Variants in DOCK5 observed in about 807,000 individuals in gnomAD.
DOCK5 encodes dedicator of cytokinesis 5.
Under a neutral mutation model 251.8 loss-of-function variants are expected in DOCK5, and 142 were observed. That is an observed-to-expected ratio of 0.56 (90% CI 0.49 to 0.65). DOCK5 has a LOEUF of 0.65. Ranked by LOEUF, DOCK5 falls within the 30% of genes least tolerant of loss-of-function variation. The pLI is 0.00. For missense variants in DOCK5, 2,111 were observed against 2,312.3 expected, an observed-to-expected ratio of 0.91 and a Z score of 1.79; for synonymous variants, 842 against 835.5, an observed-to-expected ratio of 1.01 and a Z score of -0.13.
At chr8:25,358,735 C>G (rs1353392271) in intron 27 of DOCK5, among the ~76,000 whole-genome samples, 3 of 152,192 alleles carry the variant, frequency 2.0e-5, no homozygotes, top group Non-Finnish European at 4.4e-5. Context: ...TTCCACACTT[C>G]TTAGCTGTTA....
intron 22 of DOCK5, among the ~76,000 whole-genome samples, chr8:25,337,585 CT>C (rs71549899): frequency 0.052 from 6,749 of 128,576 alleles, 177 homozygotes; most frequent in South Asian, 0.11. Context: ...ATGATAGATT[CT>C]TTTTTTTTTT....
rs1335594750 is a variant in DOCK5 at position 25,190,782 on chromosome 8, T to A, written c.43+5831T>A. Among the ~76,000 whole-genome samples, 4 of 100,260 alleles carry A rather than the reference T, an allele frequency of 4.0e-5. No homozygotes were observed. In the East Asian group the frequency reaches 1.1e-3, roughly 27 times the overall value. The allele number at this position is 100,260 out of a possible 152,430, so 65.8% of individuals were successfully genotyped here. ...GGCCTTAACTTGGTCATGGGTTTTT[T>A]TTTTTTTTTTTTTTTTTTTGAGACG... is the stretch of plus-strand genomic sequence containing the variant. On this transcript the variant is annotated intron_variant, in intron 1 of 51. Transcript: ENST00000276440.
At chr8:25,291,961 G>T in intron 5 of DOCK5, 63 bp from the exon 6 acceptor site, 3 of 1,411,570 alleles carry the variant, frequency 2.1e-6, no homozygotes, top group Non-Finnish European at 1.9e-6. Context: ...AAAAAAGGAT[G>T]TTCCCATCCT....
At position 25,191,623 on chromosome 8, in the gene DOCK5, C is replaced by T. The variant is rs373648296; in HGVS notation, c.43+6672C>T. Among the ~76,000 whole-genome samples, 91 of 152,166 alleles carry T rather than the reference C, an allele frequency of 6.0e-4. 2 individuals carry two copies. The South Asian group carries it at 0.018, about 31-fold the overall frequency. ...TGAGACAAACATTTGAGCTGCTTTA[C>T]CTGTTATTTCATTAAATCATTGTGG... On this transcript the variant is annotated intron_variant, in intron 1 of 51. Transcript: ENST00000276440.
At chr8:25,187,318 T>TGC (rs1491521486) in intron 1 of DOCK5, among the ~76,000 whole-genome samples, 1 of 143,252 alleles carries the variant, frequency 7.0e-6, no homozygotes, top group Non-Finnish European at 1.5e-5. Flanking sequence ...TATGCGTATA[T>TGC]GTGTGTGTGT....
In DOCK5 at chr8:25,293,457, G is replaced by A. The variant is rs760628672; in HGVS notation, c.470+1285G>A. Among the ~76,000 whole-genome samples, 123 of 152,090 alleles carry A rather than the reference G, an allele frequency of 8.1e-4. 3 individuals carry two copies. Among genetic ancestry groups the A allele is most frequent in the Non-Finnish European group, 1.9e-4 (13 of 68,014 alleles). On this transcript the variant is annotated intron_variant, in intron 6 of 51. Transcript: ENST00000276440. ...ACTTGATTATAATCTTAAAACATAGGGTTGAGGTAGCTGTTATTATTTACA... is the reference window on the plus strand; with the variant it reads ...ACTTGATTATAATCTTAAAACATAGAGTTGAGGTAGCTGTTATTATTTACA...
intron 27 of DOCK5, among the ~76,000 whole-genome samples, chr8:25,357,381 T>G (rs924365003): frequency 1.4e-5 from 2 of 142,754 alleles, no homozygotes; most frequent in Non-Finnish European, 3.1e-5. Flanking sequence ...AACTTTTTTT[T>G]TTTTTTTTTT....
At position 25,205,499 on chromosome 8, in the gene DOCK5, G is replaced by C. The variant is rs117868081; in HGVS notation, c.43+20548G>C. Among the ~76,000 whole-genome samples the C allele has an allele frequency of 3.7e-3, 562 of 152,292 alleles. 4 individuals carry two copies. The highest frequency in any genetic ancestry group is 6.4e-3 in the Non-Finnish European group (437 of 68,022). ...AGCTGACTGAGACACAGGGAGTTGC[G>C]TGTTATTTGAAATACGAGTCCACTG... On this transcript the variant is annotated intron_variant, in intron 1 of 51. Transcript: ENST00000276440.
intron 8 of DOCK5, 117 bp downstream of exon 8, chr8:25,299,218 G>C: frequency 8.2e-7 from 1 of 1,215,694 alleles, no homozygotes; most frequent in Non-Finnish European, 1.1e-6. Flanking sequence ...AAGCATGGAA[G>C]ATTTCTAAGC....
intron 1 of DOCK5, among the ~76,000 whole-genome samples, chr8:25,228,759 C>T (rs1416383061): frequency 1.3e-5 from 2 of 152,022 alleles, no homozygotes; most frequent in African/African-American, 4.8e-5. Flanking sequence ...TTTATTCTTC[C>T]AGATATATTT....
intron 4 of DOCK5, 62 bp from the exon 5 acceptor site, chr8:25,278,507 C>G: frequency 3.3e-6 from 5 of 1,511,012 alleles, no homozygotes; most frequent in Non-Finnish European, 4.6e-6. Flanking sequence ...AGTCTGATCC[C>G]CATCAAGTAA....
intron 51 of DOCK5, 99 bp downstream of exon 51, chr8:25,410,301 G>C: frequency 1.0e-6 from 1 of 971,174 alleles, no homozygotes. Context: ...TTTGCTCATA[G>C]ACCTGTCACT....
chr8:25,306,102 G>T (rs1190934166), intron 11 of DOCK5, among the ~76,000 whole-genome samples: 8 of 151,868 alleles, frequency 5.3e-5, no homozygotes, highest in Admixed American at 2.0e-4. Flanking sequence ...TTAAAATATG[G>T]CCATTGCACT....
intron 1 of DOCK5, among the ~76,000 whole-genome samples, chr8:25,205,571 C>T (rs138346492): frequency 5.3e-5 from 8 of 152,292 alleles, no homozygotes; most frequent in East Asian, 1.9e-4. Flanking sequence ...TAGATTTTTC[C>T]CTCCTCTTTT....
chr8:25,411,196 C>G lies in DOCK5; in HGVS notation c.5511C>G (p.Leu1837=). 6.4e-7 allele frequency: 1 copy of G among 1,563,978 alleles called. No homozygotes were observed. The highest frequency in any genetic ancestry group is 2.6e-5 in the East Asian group (1 of 39,074). ...YEGSQRNSTE[L]APPLPVRREA... is the part of the protein sequence containing the mutation. ...ATTTTGTGTTTCTGCTTCTGCAGCTCGCTCCCCCACTGCCTGTCCGAAGAG... is the reference window on the plus strand; with the variant it reads ...ATTTTGTGTTTCTGCTTCTGCAGCTGGCTCCCCCACTGCCTGTCCGAAGAG... Residue 1837 remains leucine, a splice_region_variant and synonymous_variant, in exon 52 of 52, where the codon CTC becomes CTG. Transcript: ENST00000276440.
intron 36 of DOCK5, among the ~76,000 whole-genome samples, chr8:25,373,885 G>A (rs974849547): frequency 1.3e-5 from 2 of 152,192 alleles, no homozygotes; most frequent in African/African-American, 4.8e-5. Context: ...ATCAGGGGAA[G>A]GATAGACAAC....
At chr8:25,396,974 A>G (rs1390913260) in intron 45 of DOCK5, among the ~76,000 whole-genome samples, 2 of 152,124 alleles carry the variant, frequency 1.3e-5, no homozygotes, top group Non-Finnish European at 2.9e-5. Context: ...TAATCCCAGC[A>G]CTTTGGGAAG....
At position 25,304,282 on chromosome 8, in the gene DOCK5, G is replaced by A; in HGVS notation, c.1004G>A (p.Gly335Glu). 6.2e-7 allele frequency: 1 copy of A among 1,610,418 alleles called. No individual in the cohort carries two copies. The highest frequency in any genetic ancestry group is 1.1e-5 in the South Asian group (1 of 90,190). The change falls in exon 11 of 52, where the codon GGG becomes GAG. Residue 335 changes from glycine to glutamate, a missense_variant. Gly to Glu is a moderately conservative substitution (Grantham distance 98). This residue lies in a region of DOCK5 where 1,717 missense variants were observed against 1,892.4 expected (regional missense o/e 0.91). Transcript: ENST00000276440. ...ATGGATATTACTGATATCATACATG[G>A]GAAGGTGGATGATGAAGAAAAGCAG... ...AVMDITDIIH[G>E]KVDDEEKQHF...
intron 51 of DOCK5, among the ~76,000 whole-genome samples, chr8:25,410,981 GCGCACGCA>G (rs71214572): frequency 0.039 from 5,097 of 130,788 alleles, 275 homozygotes; most frequent in African/African-American, 0.11. Flanking sequence ...GTGCGCGCGC[GCGCACGCA>G]CGCACGCACG....
Sources: gnomAD v4.1 joint callset for allele counts (sites outside exome capture counted in the v4.1 genomes callset) on GRCh38, gnomAD v4.1.1 for gene constraint, gnomAD v4.1.1 regional missense constraint, MANE v1.5 for transcripts, NCBI Gene and HGNC (gene_info 2026-07-23, HGNC 2026-07-21) for gene names.